AIG1: variants seen among roughly 807,000 people sequenced by gnomAD.
AIG1 encodes androgen induced 1, also known as androgen-induced gene 1 protein.
Under a neutral mutation model 31.4 loss-of-function variants are expected in AIG1, and 23 were observed. That is an observed-to-expected ratio of 0.73 (90% CI 0.53 to 1.04). AIG1 has a LOEUF of 1.04. Among genes scored for constraint, AIG1 ranks in the 50% least tolerant of loss-of-function variants. AIG1 has a pLI of 0.00. For missense variants in AIG1, 274 were observed against 295.0 expected (o/e 0.93, Z 0.52); for synonymous variants, 100 against 110.5 (o/e 0.90, Z 0.60).
At chr6:143,282,138 A>T (rs1179444709) in intron 3 of AIG1, among the ~76,000 whole-genome samples, 1 of 152,170 alleles carries the variant, frequency 6.6e-6, no homozygotes, top group Admixed American at 6.5e-5. Context: ...TATTTATACA[A>T]CCAATATATA....
intron 1 of AIG1, among the ~76,000 whole-genome samples, chr6:143,065,128 T>C (rs746180428): frequency 7.9e-5 from 12 of 152,202 alleles, no homozygotes; most frequent in Non-Finnish European, 1.6e-4. Flanking sequence ...TGTTGTAATG[T>C]TGGTTAATCA....
At chr6:143,302,372 A>C (rs1366093177) in intron 4 of AIG1, among the ~76,000 whole-genome samples, 53 of 129,780 alleles carry the variant, frequency 4.1e-4, no homozygotes, top group Middle Eastern at 4.0e-3. Flanking sequence ...ATCCCTCCCC[A>C]CTCCCCCCGA....
At chr6:143,253,380 A>T (rs771933686) in intron 3 of AIG1, among the ~76,000 whole-genome samples, 66 of 152,338 alleles carry the variant, frequency 4.3e-4, no homozygotes, top group Non-Finnish European at 7.5e-4. Flanking sequence ...ATCAAATATC[A>T]TGCTAACCAA....
Position 143,293,587 on chromosome 6 carries a change from T to TTGAAAA in AIG1, c.515+9362_515+9363insTGAAAA, listed in dbSNP as rs2128690440. On this transcript the variant is annotated intron_variant, in intron 4 of 5. Transcript: ENST00000357847. The surrounding 1 kb of genome is among the most constrained non-coding windows in gnomAD (Gnocchi z 4.8). ...CAAATCAGCTTCTTAGACCTGCATC[T>TTGAAAA]GGACAGAAAAGGCTTGTGTATATAA... 6.6e-6 allele frequency among the ~76,000 whole-genome samples: 1 copy of TTGAAAA among 152,336 alleles called. No individual in the cohort carries two copies. The highest frequency in any genetic ancestry group is 2.1e-4 in the South Asian group (1 of 4,826).
intron 4 of AIG1, among the ~76,000 whole-genome samples, chr6:143,316,879 C>T (rs1775791995): frequency 6.6e-6 from 1 of 151,954 alleles, no homozygotes; most frequent in South Asian, 2.1e-4. Flanking sequence ...CTATGAATAC[C>T]GTTATGCACA....
chr6:143,337,845 C>A, intron 5 of AIG1: 1 of 396,750 alleles, frequency 2.5e-6, no homozygotes, highest in South Asian at 1.4e-4. Flanking sequence ...GCAGTCTTGT[C>A]CCCTCTGGTC....
intron 5 of AIG1, among the ~76,000 whole-genome samples, chr6:143,336,967 T>C (rs914093046): frequency 6.6e-6 from 1 of 152,194 alleles, no homozygotes; most frequent in African/African-American, 2.4e-5. Context: ...AGTCTGAAGC[T>C]AGCGGGGGAA....
At chr6:143,339,595 G>T (rs2128727931) in intron 5 of AIG1, 44 bp from the exon 6 acceptor site, 1 of 1,602,426 alleles carries the variant, frequency 6.2e-7, no homozygotes, top group Non-Finnish European at 8.5e-7. Context: ...ACTGCTTGTG[G>T]TTTAATCTGA....
At chr6:143,086,289 G>T (rs1407564831) in intron 1 of AIG1, among the ~76,000 whole-genome samples, 8 of 152,080 alleles carry the variant, frequency 5.3e-5, no homozygotes, top group African/African-American at 1.7e-4. Context: ...TCAATTATAG[G>T]TTTTAAATTT....
chr6:143,186,596 C>T (rs1425973695), intron 3 of AIG1: 2 of 152,232 alleles, frequency 1.3e-5, no homozygotes, highest in African/African-American at 4.8e-5. Context: ...AACATTCCTT[C>T]TGATACCTAC....
chr6:143,062,272 C>T (rs1333924069), intron 1 of AIG1, among the ~76,000 whole-genome samples: 3 of 152,214 alleles, frequency 2.0e-5, no homozygotes, highest in South Asian at 2.1e-4. Flanking sequence ...AAACTGTGCA[C>T]ATACCCTTAG....
At chr6:143,273,089 A>C (rs946882120) in intron 3 of AIG1, among the ~76,000 whole-genome samples, 4 of 152,198 alleles carry the variant, frequency 2.6e-5, no homozygotes, top group Non-Finnish European at 5.9e-5. Flanking sequence ...AGATCATGCC[A>C]TTGCACTCCA....
intron 4 of AIG1, among the ~76,000 whole-genome samples, chr6:143,294,533 A>C (rs548406159): frequency 6.6e-6 from 1 of 152,310 alleles, no homozygotes; most frequent in Admixed American, 6.5e-5. Flanking sequence ...TAAGTCTCTC[A>C]TCAGATTGGC....
chr6:143,296,223 A>T (rs1798417483), intron 4 of AIG1, among the ~76,000 whole-genome samples: 1 of 152,170 alleles, frequency 6.6e-6, no homozygotes, highest in African/African-American at 2.4e-5. Flanking sequence ...ATTCATTTAA[A>T]TTGCCAACTG....
rs1438000634 is a variant in AIG1 at position 143,326,070 on chromosome 6, C to CTTTCAGCTAA, written c.516-7208_516-7199dup. ...GACACTGGTCTAAGTGTTCTTAAAT[C>CTTTCAGCTAA]TTTCAGCTAATTTTCATTGCCAATG... On this transcript the variant is annotated intron_variant, in intron 4 of 5. Coordinates refer to ENST00000357847, the MANE Select transcript of AIG1 (RefSeq NM_016108.4). The surrounding 1 kb of genome is among the most constrained non-coding windows in gnomAD (Gnocchi z 4.5). Among the ~76,000 whole-genome samples the CTTTCAGCTAA allele has an allele frequency of 6.6e-6, 1 of 152,234 alleles. No individual in the cohort carries two copies. The highest frequency in any genetic ancestry group is 1.5e-5 in the Non-Finnish European group (1 of 68,040).
chr6:143,331,198 C>T lies in AIG1; in HGVS notation c.516-2084C>T, dbSNP rs945489444. Among the ~76,000 whole-genome samples, 8 of 151,800 alleles carry T rather than the reference C, an allele frequency of 5.3e-5. No individual in the cohort carries two copies. The highest frequency in any genetic ancestry group is 4.4e-5 in the Non-Finnish European group (3 of 67,980). On this transcript the variant is annotated intron_variant, in intron 4 of 5. Transcript: ENST00000357847. This position sits in a 1 kb window ranked among gnomAD's most constrained non-coding sequence, Gnocchi z 4.1. ...ACATTTTTTATTGTGCTAAAATATA[C>T]ATAACATAATATTTGTCATTTTAGC...
At position 143,330,322 on chromosome 6, in the gene AIG1, A is replaced by C. The variant is rs1776970135; in HGVS notation, c.516-2960A>C. 6.6e-6 allele frequency among the ~76,000 whole-genome samples: 1 copy of C among 152,218 alleles called. No individual in the cohort carries two copies. Among genetic ancestry groups the C allele is most frequent in the Non-Finnish European group, 1.5e-5 (1 of 68,048 alleles). The stretch of plus-strand genomic sequence containing the variant: ...TTTGAGGGTAGAGGTTGCAATTTTT[A>C]GATACAGTGGCCAGGGAAGACATCA... On this transcript the variant is annotated intron_variant, in intron 4 of 5. Transcript: ENST00000357847. This position sits in a 1 kb window ranked among gnomAD's most constrained non-coding sequence, Gnocchi z 4.4.
chr6:143,130,314 C>G (rs996153093), intron 1 of AIG1, among the ~76,000 whole-genome samples: 2 of 152,066 alleles, frequency 1.3e-5, no homozygotes, highest in African/African-American at 4.8e-5. Flanking sequence ...AATCTAAGGT[C>G]TCACAAAGAA....
chr6:143,186,121 A>G (rs1033566143), intron 3 of AIG1, among the ~76,000 whole-genome samples: 1 of 152,208 alleles, frequency 6.6e-6, no homozygotes, highest in Non-Finnish European at 1.5e-5. Flanking sequence ...TGGACCATTC[A>G]GGGGCTGCCC....
Sources: allele counts gnomAD v4.1 joint callset (sites outside exome capture counted in the v4.1 genomes callset), GRCh38; gene constraint gnomAD v4.1.1; non-coding constraint Gnocchi (gnomAD v3.1); transcripts MANE v1.5; gene names NCBI Gene and HGNC (gene_info 2026-07-23, HGNC 2026-07-21).